Variants in SYN3 observed in about 807,000 individuals in gnomAD.
SYN3 encodes synapsin III.
In SYN3, 35 loss-of-function variants were observed where a neutral mutation model predicts 65.8. That is an observed-to-expected ratio of 0.53 (90% CI 0.41 to 0.70). The LOEUF (loss-of-function observed/expected upper bound fraction) is 0.70. Ranked by LOEUF, SYN3 falls within the 30% of genes least tolerant of loss-of-function variation. SYN3 has a pLI of 0.00. For synonymous variants in SYN3, 270 were observed against 292.9 expected (o/e 0.92, Z 0.80); for missense variants, 680 against 749.0 (o/e 0.91, Z 1.08).
chr22:32,544,413 A>G (rs962583812), intron 7 of SYN3, among the ~76,000 whole-genome samples: 1 of 152,112 alleles, frequency 6.6e-6, no homozygotes, highest in Admixed American at 6.6e-5. Flanking sequence ...CTATCTCTAC[A>G]TCTTCATTCC....
In SYN3 at chr22:32,698,287, G is replaced by C. The variant is rs142165043; in HGVS notation, c.712-101551C>G. ...TGAAGGGGTTTGACATCACATATCTGCATGAATCTCTATTGATCATGGTTT... is the reference window on the plus strand; with the variant it reads ...TGAAGGGGTTTGACATCACATATCTCCATGAATCTCTATTGATCATGGTTT... On this transcript the variant is annotated intron_variant, in intron 6 of 13. Transcript: ENST00000358763. Among the ~76,000 whole-genome samples the C allele has an allele frequency of 2.5e-3, 381 of 152,176 alleles. No individual in the cohort carries two copies. The Middle Eastern group carries it at 0.027, about 11-fold the overall frequency.
At position 32,811,589 on chromosome 22, in the gene SYN3, A is replaced by G. The variant is rs549589882; in HGVS notation, c.711+53326T>C. The stretch of plus-strand genomic sequence containing the variant: ...CCCACAGGGCAGAGAAAGAAACAAC[A>G]AAGTTCCTACTCTATTTTCACAACT... On this transcript the variant is annotated intron_variant, in intron 6 of 13. Transcript: ENST00000358763. Among the ~76,000 whole-genome samples the G allele has an allele frequency of 1.9e-4, 29 of 152,346 alleles. No individual in the cohort carries two copies. The East Asian group carries it at 4.1e-3, about 21-fold the overall frequency.
intron 12 of SYN3, among the ~76,000 whole-genome samples, chr22:32,526,393 T>C (rs2057976626): frequency 6.6e-6 from 1 of 152,186 alleles, no homozygotes; most frequent in Non-Finnish European, 1.5e-5. Context: ...GAGGAAGCCA[T>C]TTGGTGGCCA....
chr22:32,965,989 C>A (rs376804250), intron 3 of SYN3, among the ~76,000 whole-genome samples: 4 of 152,284 alleles, frequency 2.6e-5, no homozygotes, highest in African/African-American at 9.6e-5. Context: ...CCACCGCGCC[C>A]GGCCAGATTC....
intron 1 of SYN3, among the ~76,000 whole-genome samples, chr22:33,012,017 ATTGT>A (rs957278380): frequency 7.0e-4 from 106 of 152,002 alleles, no homozygotes; most frequent in Middle Eastern, 3.4e-3. Flanking sequence ...CAATTTCTCC[ATTGT>A]TTGTTTTCTA....
At position 32,924,471 on chromosome 22, in the gene SYN3, A is replaced by C. The variant is rs1328077894; in HGVS notation, c.461+6919T>G. On this transcript the variant is annotated intron_variant, in intron 4 of 13. Coordinates refer to ENST00000358763, the MANE Select transcript of SYN3 (RefSeq NM_003490.4). ...CTGTCTTCACAGCCCTGGCTACTCA[A>C]AATGTGATCTTCCAACAGCAGCATC... Among the ~76,000 whole-genome samples the C allele has an allele frequency of 2.0e-5, 3 of 152,212 alleles. No homozygotes were observed. In the East Asian group the frequency reaches 5.8e-4, roughly 29 times the overall value.
chr22:32,523,514 A>AC (rs2057924427), intron 12 of SYN3, among the ~76,000 whole-genome samples: 1 of 152,182 alleles, frequency 6.6e-6, no homozygotes, highest in Non-Finnish European at 1.5e-5. Context: ...CTCCATCTCA[A>AC]AAAACAAACA....
At chr22:32,603,436 C>T (rs956237726) in intron 6 of SYN3, among the ~76,000 whole-genome samples, 1 of 150,136 alleles carries the variant, frequency 6.7e-6, no homozygotes, top group African/African-American at 2.5e-5. Flanking sequence ...AGGGGAATGG[C>T]GTCAATCCAG....
In SYN3 at chr22:33,058,119, G is replaced by A. The variant is rs143715995; in HGVS notation, c.-163+173C>T. Among the ~76,000 whole-genome samples, 463 of 152,218 alleles carry A rather than the reference G, an allele frequency of 3.0e-3. 1 individual carries two copies. The highest frequency in any genetic ancestry group is 4.4e-3 in the Non-Finnish European group (300 of 67,976). On this transcript the variant is annotated intron_variant, in intron 1 of 13. Coordinates refer to ENST00000358763, the MANE Select transcript of SYN3 (RefSeq NM_003490.4). ...AGCCTGGGGAGACACCGTGGTGCGC[G>A]GCTCCTTGCCTCCCTCCCTGCCCCT...
At chr22:33,013,735 C>T (rs2053404559) in intron 1 of SYN3, among the ~76,000 whole-genome samples, 1 of 152,182 alleles carries the variant, frequency 6.6e-6, no homozygotes, top group Non-Finnish European at 1.5e-5. Context: ...TCAGCCCCCT[C>T]TCCAGCCTTA....
intron 6 of SYN3, among the ~76,000 whole-genome samples, chr22:32,657,555 T>C (rs1447622532): frequency 6.6e-6 from 1 of 152,172 alleles, no homozygotes; most frequent in African/African-American, 2.4e-5. Flanking sequence ...CAGGGCCAAA[T>C]GGCCTTCAAC....
intron 6 of SYN3, among the ~76,000 whole-genome samples, chr22:32,816,969 C>T: frequency 6.6e-6 from 1 of 152,086 alleles, no homozygotes; most frequent in East Asian, 1.9e-4. Context: ...GCATATAACC[C>T]CACCTTGGGA....
chr22:32,681,991 A>G (rs2060528366), intron 6 of SYN3, among the ~76,000 whole-genome samples: 1 of 80,598 alleles, frequency 1.2e-5, no homozygotes, highest in Non-Finnish European at 3.6e-5. Flanking sequence ...TAGCAGAGGT[A>G]AGAGAGTTAG....
chr22:32,898,131 G>C (rs1304723186), intron 4 of SYN3, among the ~76,000 whole-genome samples: 1 of 152,132 alleles, frequency 6.6e-6, no homozygotes, highest in African/African-American at 2.4e-5. Flanking sequence ...GAGTAGCTGA[G>C]ATTACAGGTG....
chr22:32,831,258 C>A (rs1387211101), intron 6 of SYN3, among the ~76,000 whole-genome samples: 1 of 152,170 alleles, frequency 6.6e-6, no homozygotes, highest in Non-Finnish European at 1.5e-5. Context: ...TGAAATCAGC[C>A]ATCCAAGGTG....
At chr22:32,564,782 C>T (rs2058639122) in intron 7 of SYN3, among the ~76,000 whole-genome samples, 2 of 141,076 alleles carry the variant, frequency 1.4e-5, no homozygotes, top group African/African-American at 2.7e-5. Flanking sequence ...CCAAACAGTG[C>T]TCCTGGGCTG....
At chr22:32,833,168 G>A (rs961727051) in intron 6 of SYN3, among the ~76,000 whole-genome samples, 5 of 152,142 alleles carry the variant, frequency 3.3e-5, no homozygotes, top group African/African-American at 1.2e-4. Flanking sequence ...ACTGATCGGT[G>A]GCTCCTGGGA....
At chr22:32,585,949 CAT>C (rs1205372624) in intron 7 of SYN3, among the ~76,000 whole-genome samples, 2 of 33,258 alleles carry the variant, frequency 6.0e-5, no homozygotes, top group Non-Finnish European at 8.7e-5. Context: ...TGTATGTATA[CAT>C]ATATGTGTAT....
chr22:32,798,206 T>C (rs570720309), intron 6 of SYN3, among the ~76,000 whole-genome samples: 1 of 152,300 alleles, frequency 6.6e-6, no homozygotes, highest in South Asian at 2.1e-4. Context: ...GGTAGAGAAT[T>C]ATTTAATCAG....
Sources: gnomAD v4.1 joint callset for allele counts (sites outside exome capture counted in the v4.1 genomes callset) on GRCh38, gnomAD v4.1.1 for gene constraint, MANE v1.5 for transcripts, NCBI Gene and HGNC (gene_info 2026-07-23, HGNC 2026-07-21) for gene names.